Variants in SHISAL1 observed in about 807,000 individuals in gnomAD.
The protein encoded by SHISAL1 is shisa like 1, also known as protein shisa-like-1.
SHISAL1 carries 9 observed loss-of-function variants against 22.6 expected under a neutral mutation model. That is an observed-to-expected ratio of 0.40 (90% CI 0.24 to 0.70). The LOEUF is 0.70. SHISAL1 is among the 30% of genes least tolerant of loss of function. SHISAL1 has a pLI of 0.39. For missense variants in SHISAL1, 246 were observed against 270.6 expected, an observed-to-expected ratio of 0.91 and a Z score of 0.64; for synonymous variants, 119 against 115.4, an observed-to-expected ratio of 1.03 and a Z score of -0.20.
At chr22:44,281,157 C>T (rs1569216397) in intron 4 of SHISAL1, among the ~76,000 whole-genome samples, 1 of 152,116 alleles carries the variant, frequency 6.6e-6, no homozygotes, top group Non-Finnish European at 1.5e-5. Context: ...GGGCCCGCCA[C>T]CTGAGGGGAG....
At chr22:44,251,230 T>C (rs562744393) in intron 4 of SHISAL1, among the ~76,000 whole-genome samples, 1 of 152,234 alleles carries the variant, frequency 6.6e-6, no homozygotes, top group Non-Finnish European at 1.5e-5. Context: ...GAACAGTAAC[T>C]GGCATACTGT....
intron 2 of SHISAL1, among the ~76,000 whole-genome samples, chr22:44,299,801 GAC>G (rs1461330608): frequency 6.6e-6 from 1 of 151,124 alleles, no homozygotes; most frequent in Non-Finnish European, 1.5e-5. Context: ...GATAGAAAAA[GAC>G]AGAGGCAGAC....
chr22:44,307,358 G>C (rs556463812), intron 1 of SHISAL1, among the ~76,000 whole-genome samples: 11 of 152,308 alleles, frequency 7.2e-5, no homozygotes, highest in African/African-American at 2.6e-4. Context: ...GAAGGGGGAA[G>C]CTGAGACTCA....
At chr22:44,308,800 C>T (rs2055497264) in intron 1 of SHISAL1, among the ~76,000 whole-genome samples, 1 of 151,550 alleles carries the variant, frequency 6.6e-6, no homozygotes, top group African/African-American at 2.4e-5. Flanking sequence ...ACCTCTGCCC[C>T]AGGGTTGGCC....
At chr22:44,292,769 T>G (rs12160767) in intron 3 of SHISAL1, among the ~76,000 whole-genome samples, 1 of 152,196 alleles carries the variant, frequency 6.6e-6, no homozygotes, top group African/African-American at 2.4e-5. Flanking sequence ...TCCCTGGGCT[T>G]GGGTCCTCTC....
At position 44,289,613 on chromosome 22, in the gene SHISAL1, G is replaced by T. The variant is rs1257915246; in HGVS notation, c.282-3868C>A. Among the ~76,000 whole-genome samples the T allele has an allele frequency of 2.0e-5, 3 of 152,326 alleles. 1 individual carries two copies. The highest frequency in any genetic ancestry group is 2.0e-4 in the Admixed American group (3 of 15,312). On this transcript the variant is annotated intron_variant, in intron 3 of 4. Coordinates refer to ENST00000381176, the MANE Select transcript of SHISAL1 (RefSeq NM_001099294.2). ...AAGGGAGGGGCCTGCCTGCCGGGGG[G>T]TGTTGCCTTTGCTGATTCGCCCTTC... is the stretch of plus-strand genomic sequence containing the variant.
At chr22:44,263,080 T>TTTC (rs1491106477) in intron 4 of SHISAL1, among the ~76,000 whole-genome samples, 1 of 21,532 alleles carries the variant, frequency 4.6e-5, no homozygotes, top group East Asian at 1.6e-3. Flanking sequence ...TCTTTCTTTC[T>TTTC]TTTTTTTTTT....
At chr22:44,273,928 T>C (rs2055221266) in intron 4 of SHISAL1, among the ~76,000 whole-genome samples, 1 of 152,232 alleles carries the variant, frequency 6.6e-6, no homozygotes, top group East Asian at 1.9e-4. Context: ...ATCAAAGAAA[T>C]GCAAACAGAC....
chr22:44,274,628 C>T (rs1169559397), intron 4 of SHISAL1, among the ~76,000 whole-genome samples: 1 of 152,114 alleles, frequency 6.6e-6, no homozygotes, highest in South Asian at 2.1e-4. Flanking sequence ...ACTGGGTGGC[C>T]GCTGAAATGG....
rs1248157200 is a variant in SHISAL1, at chr22:44,247,899, T to C, written c.*1786A>G. ...CTGGCTTTCTTGTGCCACCTGGCTT[T>C]CTTGTGCTTCCTTGAAACCACCAAG... On this transcript the variant is annotated 3_prime_UTR_variant, in exon 5 of 5. Coordinates refer to ENST00000381176, the MANE Select transcript of SHISAL1 (RefSeq NM_001099294.2). 1 of 152,242 alleles carries C rather than the reference T, an allele frequency of 6.6e-6. No individual in the cohort carries two copies. Among genetic ancestry groups the C allele is most frequent in the Non-Finnish European group, 1.5e-5 (1 of 68,088 alleles). 9.4% of individuals were successfully genotyped at this position (152,242 alleles called of 1,614,324 possible).
At chr22:44,266,512 T>G (rs2055163292) in intron 4 of SHISAL1, among the ~76,000 whole-genome samples, 1 of 71,350 alleles carries the variant, frequency 1.4e-5, no homozygotes, top group African/African-American at 6.5e-5. Flanking sequence ...TATGTGTGTG[T>G]TGGGGGCTTT....
In SHISAL1 at chr22:44,247,221, TA is replaced by T. The variant is rs1403080983; in HGVS notation, c.*2463del. The stretch of plus-strand genomic sequence containing the variant: ...CAGGACACGAGGGTTGCAAACTCCT[TA>T]AATACCCATCTGACTCCTTCCTCTT... On this transcript the variant is annotated 3_prime_UTR_variant, in exon 5 of 5. Transcript: ENST00000381176. The T allele has an allele frequency of 6.6e-6, 1 of 152,124 alleles. No individual in the cohort carries two copies. Among genetic ancestry groups the T allele is most frequent in the African/African-American group, 2.4e-5 (1 of 41,392 alleles). 9.4% of individuals were successfully genotyped at this position (152,124 alleles called of 1,614,324 possible). A position where few individuals can be genotyped will look rare whatever the true frequency, so the allele number is the denominator to read the frequency against.
At chr22:44,292,054 C>G (rs1305164930) in intron 3 of SHISAL1, among the ~76,000 whole-genome samples, 1 of 152,218 alleles carries the variant, frequency 6.6e-6, no homozygotes, top group East Asian at 1.9e-4. Context: ...GCCTTCCTGC[C>G]AGGCAGCCAG....
intron 4 of SHISAL1, among the ~76,000 whole-genome samples, chr22:44,279,798 C>T (rs1176136397): frequency 2.6e-5 from 4 of 152,206 alleles, no homozygotes; most frequent in African/African-American, 9.7e-5. Context: ...CTAATGGCTG[C>T]TCTGCCCTGT....
intron 4 of SHISAL1, among the ~76,000 whole-genome samples, chr22:44,261,909 C>T (rs1390363052): frequency 5.3e-5 from 8 of 152,234 alleles, no homozygotes; most frequent in Non-Finnish European, 8.8e-5. Flanking sequence ...ACCAGTGCTC[C>T]CCTCACTCAG....
chr22:44,282,035 G>T (rs1461896579), intron 4 of SHISAL1, among the ~76,000 whole-genome samples: 1 of 152,240 alleles, frequency 6.6e-6, no homozygotes, highest in African/African-American at 2.4e-5. Flanking sequence ...GGACCAAGAG[G>T]CGGGGGCTGT....
intron 4 of SHISAL1, among the ~76,000 whole-genome samples, chr22:44,272,251 C>G (rs571266858): frequency 6.6e-6 from 1 of 152,338 alleles, no homozygotes; most frequent in South Asian, 2.1e-4. Flanking sequence ...TGTGCTAGGT[C>G]TAGTTCATTC....
At chr22:44,270,188 G>A (rs772820310) in intron 4 of SHISAL1, among the ~76,000 whole-genome samples, 2 of 152,104 alleles carry the variant, frequency 1.3e-5, no homozygotes, top group South Asian at 2.1e-4. Context: ...TCCCTTAAAC[G>A]AATGGAACCA....
intron 1 of SHISAL1, among the ~76,000 whole-genome samples, chr22:44,307,685 G>A (rs1440439620): frequency 1.3e-5 from 2 of 152,104 alleles, no homozygotes; most frequent in South Asian, 2.1e-4. Context: ...CCACCCCTCC[G>A]GTCAGCCTGG....
Sources: gnomAD v4.1 joint callset for allele counts (sites outside exome capture counted in the v4.1 genomes callset) on GRCh38, gnomAD v4.1.1 for gene constraint, MANE v1.5 for transcripts, NCBI Gene and HGNC (gene_info 2026-07-23, HGNC 2026-07-21) for gene names.